Variants in MMS22L observed in about 807,000 individuals in gnomAD.
MMS22L encodes the protein MMS22 like, DNA repair protein, also known as protein MMS22-like.
MMS22L carries 74 observed loss-of-function variants against 159.1 expected under a neutral mutation model. The observed-to-expected ratio is 0.47, with a 90% CI of 0.39 to 0.56. MMS22L has a LOEUF of 0.56. Among genes scored for constraint, MMS22L ranks in the 20% least tolerant of loss-of-function variants. MMS22L has a pLI of 0.00. For synonymous variants in MMS22L, 517 were observed against 506.9 expected (o/e 1.02, Z -0.27); for missense variants, 1,351 against 1,422.1 (o/e 0.95, Z 0.80).
At chr6:97,157,969 G>A (rs1002110783) in intron 22 of MMS22L, among the ~76,000 whole-genome samples, 6 of 151,986 alleles carry the variant, frequency 3.9e-5, no homozygotes, top group African/African-American at 1.5e-4. Flanking sequence ...TTGGTTGGTA[G>A]GCTATTAATT....
chr6:97,232,301 T>C (rs1023620873), intron 12 of MMS22L, among the ~76,000 whole-genome samples: 2 of 152,288 alleles, frequency 1.3e-5, no homozygotes, highest in African/African-American at 2.4e-5. Context: ...TTTCGTAGCA[T>C]TGATGATCAT....
chr6:97,225,138 T>C (rs892722047), intron 14 of MMS22L, among the ~76,000 whole-genome samples: 19 of 152,208 alleles, frequency 1.2e-4, no homozygotes, highest in Admixed American at 1.2e-3. Context: ...ATGTAAGAAT[T>C]ATTCTTGTGT....
chr6:97,272,554 T>C lies in MMS22L; in HGVS notation c.606+150A>G, dbSNP rs1034790819. ...GTGTCATTTGCCCAAAAGCACACAA[T>C]TAATAAAAGGAGGATGGGGGGCAAG... is the stretch of plus-strand genomic sequence containing the variant. On this transcript the variant is annotated intron_variant, in intron 6 of 24. Transcript: ENST00000683635. The C allele has an allele frequency of 9.9e-5, 63 of 637,460 alleles. 1 individual carries two copies. Among genetic ancestry groups the C allele is most frequent in the Non-Finnish European group, 1.3e-5 (5 of 379,302 alleles). The allele number at this position is 637,460 out of a possible 1,614,324, so 39.5% of individuals were successfully genotyped here.
rs777127621 is a variant in MMS22L, at chr6:97,162,093, T to C, written c.3294A>G (p.Gln1098=). ...RLASILAFIL[Q]LFKETNTDIY... ...TGTCTGTGTTAGTTTCCTTGAAGAG[T>C]TGGAGGATGAAGGCCAGAATGGATG... Residue 1098 remains glutamine, a synonymous_variant, in exon 22 of 25, where the codon CAA becomes CAG. Coordinates refer to ENST00000683635, the MANE Select transcript of MMS22L (RefSeq NM_001350599.2). 4 of 1,611,900 alleles carry C rather than the reference T, an allele frequency of 2.5e-6. No individual in the cohort carries two copies. The highest frequency in any genetic ancestry group is 1.7e-5 in the Admixed American group (1 of 59,668).
chr6:97,273,065 G>T lies in MMS22L; in HGVS notation c.341-3C>A. The T allele has an allele frequency of 6.3e-7, 1 of 1,599,612 alleles. No individual in the cohort carries two copies. Reference sequence around the variant, plus strand: ...GCAGTGTAGAGTTGATACCTTCCCTGAAACCAAAATAGACAATGTTAATCA... The same window carrying T: ...GCAGTGTAGAGTTGATACCTTCCCTTAAACCAAAATAGACAATGTTAATCA... On this transcript the variant is annotated splice_region_variant and splice_polypyrimidine_tract_variant and intron_variant, in intron 4 of 24. Transcript: ENST00000683635.
chr6:97,187,876 T>C (rs1161734363), intron 14 of MMS22L, among the ~76,000 whole-genome samples: 3 of 152,150 alleles, frequency 2.0e-5, no homozygotes, highest in Non-Finnish European at 4.4e-5. Context: ...ATAAACTGTA[T>C]AACATTAGGG....
chr6:97,257,601 CTTGT>C (rs1039432566), intron 9 of MMS22L, among the ~76,000 whole-genome samples: 28 of 151,952 alleles, frequency 1.8e-4, no homozygotes. Context: ...CATAGGTAAT[CTTGT>C]TTATTTTTTG....
In MMS22L at chr6:97,144,105, CAAA is replaced by C. The variant is rs34856577; in HGVS notation, c.*2698_*2700del. ...CTCAAAACAACAACAACAACAACAA[CAAA>C]AAAAAAAAAAAAAAAAAAAAGAGAG... On this transcript the variant is annotated 3_prime_UTR_variant, in exon 25 of 25. Transcript: ENST00000683635. The C allele has an allele frequency of 1.9e-3, 163 of 87,316 alleles. No homozygotes were observed. The highest frequency in any genetic ancestry group is 2.5e-3 in the Admixed American group (19 of 7,542). The allele number at this position is 87,316 out of a possible 1,614,324, so 5.4% of individuals were successfully genotyped here.
At position 97,223,257 on chromosome 6, in the gene MMS22L, C is replaced by T. The variant is rs145245300; in HGVS notation, c.2039+5637G>A. 4.8e-3 allele frequency among the ~76,000 whole-genome samples: 728 copies of T among 152,196 alleles called. 3 individuals carry two copies. Among genetic ancestry groups the T allele is most frequent in the African/African-American group, 0.017 (686 of 41,556 alleles). ...ACTATTACCCAGTTCAACACACACA[C>T]GCACACACTTTATACACACATTTTT... On this transcript the variant is annotated intron_variant, in intron 14 of 24. Coordinates refer to ENST00000683635, the MANE Select transcript of MMS22L (RefSeq NM_001350599.2).
intron 15 of MMS22L, among the ~76,000 whole-genome samples, chr6:97,186,202 T>G (rs1406564960): frequency 6.6e-6 from 1 of 152,126 alleles, no homozygotes; most frequent in Non-Finnish European, 1.5e-5. Context: ...AATAAACTAC[T>G]TGAATCACAC....
rs1800925047 is a variant in MMS22L, at chr6:97,146,301, AT to A, written c.*504del. 6.6e-6 allele frequency: 1 copy of A among 152,380 alleles called. No individual in the cohort carries two copies. Among genetic ancestry groups the A allele is most frequent in the Admixed American group, 6.5e-5 (1 of 15,284 alleles). The allele number at this position is 152,380 out of a possible 1,614,324, so 9.4% of individuals were successfully genotyped here. A position where few individuals can be genotyped will look rare whatever the true frequency, so the allele number is the denominator to read the frequency against. On this transcript the variant is annotated 3_prime_UTR_variant, in exon 25 of 25. Coordinates refer to ENST00000683635, the MANE Select transcript of MMS22L (RefSeq NM_001350599.2). ...TTCTTTGTTAACTTGCCTCACACAT[AT>A]AAAAAAGAAAAACAAATACACAGTC... is the stretch of plus-strand genomic sequence containing the variant.
intron 14 of MMS22L, among the ~76,000 whole-genome samples, chr6:97,196,313 T>C (rs1806496951): frequency 6.6e-6 from 1 of 152,144 alleles, no homozygotes; most frequent in African/African-American, 2.4e-5. Context: ...TATTAGTTAA[T>C]TAAAAAAATA....
At position 97,153,844 on chromosome 6, in the gene MMS22L, T is replaced by G. The variant is rs1156380186; in HGVS notation, c.3386-1977A>C. Among the ~76,000 whole-genome samples, 2 of 152,154 alleles carry G rather than the reference T, an allele frequency of 1.3e-5. 1 individual carries two copies. The highest frequency in any genetic ancestry group is 3.8e-4 in the East Asian group (2 of 5,198). On this transcript the variant is annotated intron_variant, in intron 22 of 24. Transcript: ENST00000683635. ...AACAATATTCCATTGTATAAATATA[T>G]CAAAATTTTTAAATTGATCCATCAA... is the stretch of plus-strand genomic sequence containing the variant.
chr6:97,175,292 T>A (rs893932886), intron 18 of MMS22L, among the ~76,000 whole-genome samples: 2 of 152,196 alleles, frequency 1.3e-5, no homozygotes, highest in African/African-American at 4.8e-5. Flanking sequence ...GATTCTTATA[T>A]CTGCTCCTGT....
chr6:97,168,318 T>C, intron 19 of MMS22L, 78 bp from the exon 20 acceptor site: 1 of 1,381,478 alleles, frequency 7.2e-7, no homozygotes, highest in Non-Finnish European at 1.0e-6. Flanking sequence ...TAAAAATTTG[T>C]ATTGAAAGCA....
intron 2 of MMS22L, 124 bp downstream of exon 2, chr6:97,282,190 A>G: frequency 1.1e-6 from 1 of 905,564 alleles, no homozygotes; most frequent in South Asian, 1.7e-5. Flanking sequence ...CCCTTATGAT[A>G]TACTAAGCTG....
intron 11 of MMS22L, among the ~76,000 whole-genome samples, chr6:97,240,518 T>C (rs1811941869): frequency 6.6e-6 from 1 of 152,178 alleles, no homozygotes; most frequent in Non-Finnish European, 1.5e-5. Context: ...CAACCAATAG[T>C]CTTTGGGGAA....
intron 11 of MMS22L, among the ~76,000 whole-genome samples, chr6:97,244,328 G>A (rs1812403497): frequency 6.6e-6 from 1 of 152,170 alleles, no homozygotes; most frequent in African/African-American, 2.4e-5. Flanking sequence ...GCTCCCATGA[G>A]TTTATGTTTT....
In MMS22L at chr6:97,144,916, C is replaced by T. The variant is rs1800837696; in HGVS notation, c.*1890G>A. On this transcript the variant is annotated 3_prime_UTR_variant, in exon 25 of 25. Transcript: ENST00000683635. ...TTCTTAGTATCTATAGATATATGTC[C>T]TAAAGCATGATTCAGTAGCAGCTTT... The T allele has an allele frequency of 6.6e-6, 1 of 151,606 alleles. No homozygotes were observed. The highest frequency in any genetic ancestry group is 2.4e-5 in the African/African-American group (1 of 41,268). 9.4% of individuals were successfully genotyped at this position (151,606 alleles called of 1,614,324 possible). A position where few individuals can be genotyped will look rare whatever the true frequency, so the allele number is the denominator to read the frequency against.
Sources: allele counts gnomAD v4.1 joint callset (sites outside exome capture counted in the v4.1 genomes callset), GRCh38; gene constraint gnomAD v4.1.1; transcripts MANE v1.5; gene names NCBI Gene and HGNC (gene_info 2026-07-23, HGNC 2026-07-21).